WWOX: variants seen among roughly 807,000 people sequenced by gnomAD.
WWOX encodes WW domain containing oxidoreductase.
A neutral mutation model predicts 46.2 loss-of-function variants in WWOX; 69 were observed. The ratio of observed to expected loss-of-function variants is 1.49; its 90% CI spans 1.23 to 1.82. The LOEUF (loss-of-function observed/expected upper bound fraction) is 1.82. Among genes scored for constraint, WWOX ranks in the 40% most tolerant of loss-of-function variants. The probability of loss-of-function intolerance (pLI) is 0.00; values close to 1 mark genes in which losing one functional copy is unlikely to be tolerated. For missense variants in WWOX, 919 were observed against 542.6 expected (o/e 1.69, Z -6.89); for synonymous variants, 359 against 202.6 (o/e 1.77, Z -6.56).
At chr16:78,315,565 G>A (rs1040191081) in intron 5 of WWOX, among the ~76,000 whole-genome samples, 1 of 152,078 alleles carries the variant, frequency 6.6e-6, no homozygotes, top group Non-Finnish European at 1.5e-5. Flanking sequence ...CAGGCGAATC[G>A]CTTGAACCCG....
At chr16:78,703,361 A>G (rs1422954405) in intron 8 of WWOX, among the ~76,000 whole-genome samples, 1 of 152,030 alleles carries the variant, frequency 6.6e-6, no homozygotes, top group East Asian at 1.9e-4. Context: ...CCTACTTGTC[A>G]TTCCAGCATT....
intron 8 of WWOX, among the ~76,000 whole-genome samples, chr16:78,901,219 C>G (rs965148693): frequency 6.6e-6 from 1 of 152,134 alleles, no homozygotes; most frequent in Non-Finnish European, 1.5e-5. Flanking sequence ...GGAATGAAGA[C>G]ATAGACTTTG....
At chr16:78,318,134 C>A (rs1444346625) in intron 5 of WWOX, among the ~76,000 whole-genome samples, 1 of 152,108 alleles carries the variant, frequency 6.6e-6, no homozygotes, top group Non-Finnish European at 1.5e-5. Context: ...TTTAAAGGCA[C>A]TGCGTCCCTC....
At chr16:79,053,755 A>G (rs779568332) in intron 8 of WWOX, among the ~76,000 whole-genome samples, 1 of 152,174 alleles carries the variant, frequency 6.6e-6, no homozygotes, top group Non-Finnish European at 1.5e-5. Context: ...CTGTACCTTA[A>G]GTTTATAGTT....
intron 8 of WWOX, among the ~76,000 whole-genome samples, chr16:78,668,822 C>T (rs1377502908): frequency 6.6e-6 from 1 of 152,144 alleles, no homozygotes; most frequent in Non-Finnish European, 1.5e-5. Flanking sequence ...TGGGCACCTT[C>T]AGAGCGTGTC....
At chr16:78,588,317 G>A (rs1007766257) in intron 8 of WWOX, among the ~76,000 whole-genome samples, 2 of 152,154 alleles carry the variant, frequency 1.3e-5, no homozygotes, top group African/African-American at 4.8e-5. Flanking sequence ...TGGATAATCT[G>A]GCTATTGCAT....
At chr16:78,531,492 T>C (rs1046565621) in intron 8 of WWOX, among the ~76,000 whole-genome samples, 5 of 152,188 alleles carry the variant, frequency 3.3e-5, no homozygotes, top group Admixed American at 1.3e-4. Context: ...TTTTGTATTT[T>C]GCTACCAGTT....
intron 8 of WWOX, among the ~76,000 whole-genome samples, chr16:78,747,578 A>G (rs1422868474): frequency 6.6e-6 from 1 of 152,184 alleles, no homozygotes; most frequent in Non-Finnish European, 1.5e-5. Context: ...AGCCTTGGCA[A>G]GCTGAGTTAC....
intron 5 of WWOX, among the ~76,000 whole-genome samples, chr16:78,359,861 T>C (rs4888785): frequency 0.85 from 128,564 of 152,146 alleles, 55,088 homozygotes; most frequent in Non-Finnish European, 0.9. Context: ...CTTAATTTTG[T>C]TTTGACACAG....
chr16:78,570,059 A>T (rs1050563763), intron 8 of WWOX, among the ~76,000 whole-genome samples: 10 of 152,338 alleles, frequency 6.6e-5, no homozygotes, highest in African/African-American at 2.4e-4. Context: ...TAAAGAAAAT[A>T]CAGTATTTTG....
At chr16:78,300,055 G>A (rs191789145) in intron 5 of WWOX, among the ~76,000 whole-genome samples, 2 of 152,278 alleles carry the variant, frequency 1.3e-5, no homozygotes, top group Admixed American at 1.3e-4. Context: ...CATCTTATAA[G>A]AAGGACAGTG....
chr16:78,106,108 T>C (rs1186652976), intron 1 of WWOX, among the ~76,000 whole-genome samples: 2 of 152,128 alleles, frequency 1.3e-5, no homozygotes, highest in African/African-American at 2.4e-5. Flanking sequence ...CGCCACTCCA[T>C]GGATTCTTGA....
At chr16:78,583,067 C>A (rs1042098562) in intron 8 of WWOX, among the ~76,000 whole-genome samples, 1 of 152,218 alleles carries the variant, frequency 6.6e-6, no homozygotes, top group African/African-American at 2.4e-5. Flanking sequence ...ATTCCCTTCT[C>A]CGAGCAGAGC....
At chr16:78,549,575 C>T (rs2044128028) in intron 8 of WWOX, among the ~76,000 whole-genome samples, 1 of 152,158 alleles carries the variant, frequency 6.6e-6, no homozygotes, top group Admixed American at 6.5e-5. Flanking sequence ...AGCAGCAAGA[C>T]ATGTGGCCAC....
intron 5 of WWOX, among the ~76,000 whole-genome samples, chr16:78,227,724 A>G (rs753473365): frequency 1.3e-5 from 2 of 152,044 alleles, no homozygotes; most frequent in Non-Finnish European, 2.9e-5. Flanking sequence ...TAAAAATACA[A>G]AAATTAGCCA....
intron 5 of WWOX, among the ~76,000 whole-genome samples, chr16:78,244,697 A>G (rs1055051082): frequency 6.6e-6 from 1 of 152,206 alleles, no homozygotes; most frequent in Admixed American, 6.5e-5. Context: ...ATCAGGGCTT[A>G]GCCTTCGAGC....
intron 5 of WWOX, among the ~76,000 whole-genome samples, chr16:78,197,810 T>C (rs1205686592): frequency 6.6e-6 from 1 of 152,186 alleles, no homozygotes; most frequent in Non-Finnish European, 1.5e-5. Flanking sequence ...GGTGAGCGAC[T>C]TGCCCGAGGC....
intron 8 of WWOX, among the ~76,000 whole-genome samples, chr16:78,706,056 A>AT (rs2048321561): frequency 1.8e-5 from 1 of 54,110 alleles, no homozygotes; most frequent in Admixed American, 3.0e-4. Flanking sequence ...GAGTTATGGC[A>AT]GGTTTTTTTT....
intron 8 of WWOX, among the ~76,000 whole-genome samples, chr16:78,768,231 A>T (rs117044632): frequency 0.022 from 3,196 of 147,682 alleles, 43 homozygotes; most frequent in Non-Finnish European, 0.033. Context: ...ACAGTAGAAA[A>T]AAGTTGGAGA....
Sources: gnomAD v4.1 joint callset for allele counts (sites outside exome capture counted in the v4.1 genomes callset) on GRCh38, gnomAD v4.1.1 for gene constraint, MANE v1.5 for transcripts, NCBI Gene and HGNC (gene_info 2026-07-23, HGNC 2026-07-21) for gene names.